CLMN: variants seen among roughly 807,000 people sequenced by gnomAD.
CLMN encodes the protein calmin (calponin-like, transmembrane).
Under a neutral mutation model 92.7 loss-of-function variants are expected in CLMN, and 57 were observed. The ratio of observed to expected loss-of-function variants is 0.61; its 90% CI spans 0.50 to 0.77. CLMN has a LOEUF of 0.77. Ranked by LOEUF, CLMN falls within the 30% of genes least tolerant of loss-of-function variation. The pLI is 0.00. For missense variants in CLMN, 1,158 were observed against 1,237.5 expected (o/e 0.94, Z 0.96); for synonymous variants, 466 against 470.6 (o/e 0.99, Z 0.13).
At chr14:95,263,473 G>C (rs1188356659) in intron 1 of CLMN, among the ~76,000 whole-genome samples, 2 of 152,162 alleles carry the variant, frequency 1.3e-5, no homozygotes, top group African/African-American at 2.4e-5. Context: ...CTACAAGCCT[G>C]AAAGATCCAG....
At chr14:95,247,399 C>A (rs751210438) in intron 1 of CLMN, among the ~76,000 whole-genome samples, 2 of 152,204 alleles carry the variant, frequency 1.3e-5, no homozygotes, top group Non-Finnish European at 2.9e-5. Flanking sequence ...ATCTGATTGG[C>A]CCCTGGGAAG....
rs1313608051 is a variant in CLMN at position 95,294,176 on chromosome 14, T to C, written c.82+25535A>G. On this transcript the variant is annotated intron_variant, in intron 1 of 12. Transcript: ENST00000298912. The surrounding 1 kb of genome is among the most constrained non-coding windows in gnomAD (Gnocchi z 4.2). ...GGGTGGGGGAGTGGGCTGGATTCACTTATATTTCCAGAAATATTTGCTAAG... is the reference window on the plus strand; with the variant it reads ...GGGTGGGGGAGTGGGCTGGATTCACCTATATTTCCAGAAATATTTGCTAAG... Among the ~76,000 whole-genome samples, 1 of 152,218 alleles carries C rather than the reference T, an allele frequency of 6.6e-6. No homozygotes were observed. The highest frequency in any genetic ancestry group is 1.5e-5 in the Non-Finnish European group (1 of 68,034).
chr14:95,215,536 T>C lies in CLMN; in HGVS notation c.417+105A>G. On this transcript the variant is annotated intron_variant, in intron 5 of 12. Transcript: ENST00000298912. ...TGAGTAGAAAAGATAAAATCTGCCATAAACTAAGCCTCACTGCCTCCCTTA... is the reference window on the plus strand; with the variant it reads ...TGAGTAGAAAAGATAAAATCTGCCACAAACTAAGCCTCACTGCCTCCCTTA... The C allele has an allele frequency of 6.6e-6, 6 of 915,504 alleles. No individual in the cohort carries two copies. In the South Asian group the frequency reaches 8.6e-5, roughly 13 times the overall value. The allele number at this position is 915,504 out of a possible 1,614,324, so 56.7% of individuals were successfully genotyped here.
intron 1 of CLMN, among the ~76,000 whole-genome samples, chr14:95,293,325 CTTCCTTCCTTCCCTCCCTCCCTCCTTCT>C (rs1455471242): frequency 1.1e-4 from 11 of 97,286 alleles, no homozygotes; most frequent in African/African-American, 4.2e-4. Flanking sequence ...TCCCTCCCTC[CTTCCTTCCTTCCCTCCCTCCCTCCTTCT>C]TTTCCTCCCT....
chr14:95,242,411 G>A (rs189305437), intron 1 of CLMN, among the ~76,000 whole-genome samples: 11,017 of 150,118 alleles, frequency 0.073, 461 homozygotes, highest in African/African-American at 0.11. Context: ...GGCATGCACC[G>A]CCATGCCTGG....
chr14:95,242,788 C>T lies in CLMN; in HGVS notation c.83-12655G>A, dbSNP rs571405279. 1.9e-4 allele frequency among the ~76,000 whole-genome samples: 29 copies of T among 149,242 alleles called. 1 individual carries two copies. Among genetic ancestry groups the T allele is most frequent in the African/African-American group, 5.7e-4 (23 of 40,438 alleles). The stretch of plus-strand genomic sequence containing the variant: ...TTCACTATATAGGCCAAGATGGTCT[C>T]GAACTCCAGACCTCGTGATCCGCCC... On this transcript the variant is annotated intron_variant, in intron 1 of 12. Transcript: ENST00000298912.
At chr14:95,268,794 C>CTTT (rs985091508) in intron 1 of CLMN, among the ~76,000 whole-genome samples, 49 of 63,108 alleles carry the variant, frequency 7.8e-4, no homozygotes, top group Non-Finnish European at 1.2e-3. Context: ...CTCTCTCTCT[C>CTTT]TTTTTTTTTT....
Position 95,223,805 on chromosome 14 carries a change from G to C in CLMN, c.195C>G (p.Gly65=). ...VKDLFVDIQD[G]KILMALLEVL... is the part of the protein sequence containing the mutation. The stretch of plus-strand genomic sequence containing the variant: ...CTTCTAACAAAGCCATTAGGATTTT[G>C]CCATCTTGTATATCGACGAATAAAT... Residue 65 remains glycine, a synonymous_variant, in exon 3 of 13, where the codon GGC becomes GGG. Coordinates refer to ENST00000298912, the MANE Select transcript of CLMN (RefSeq NM_024734.4). The C allele has an allele frequency of 6.2e-7, 1 of 1,613,874 alleles. No homozygotes were observed. Among genetic ancestry groups the C allele is most frequent in the Non-Finnish European group, 8.5e-7 (1 of 1,179,954 alleles).
chr14:95,305,090 G>A (rs1314268430), intron 1 of CLMN, among the ~76,000 whole-genome samples: 3 of 152,220 alleles, frequency 2.0e-5, no homozygotes, highest in African/African-American at 4.8e-5. Flanking sequence ...GAAGCCAAGA[G>A]AAAGGGTGCA....
At chr14:95,304,956 A>G (rs547846212) in intron 1 of CLMN, among the ~76,000 whole-genome samples, 17 of 152,344 alleles carry the variant, frequency 1.1e-4, no homozygotes, top group African/African-American at 4.1e-4. Flanking sequence ...GTCAGGAAGG[A>G]CACCCATGTA....
intron 1 of CLMN, among the ~76,000 whole-genome samples, chr14:95,302,827 A>C (rs531973723): frequency 2.6e-5 from 4 of 152,314 alleles, no homozygotes; most frequent in Admixed American, 6.5e-5. Context: ...GAAGAAGCTA[A>C]AATTCAAATC....
At chr14:95,303,842 C>T (rs941571492) in intron 1 of CLMN, among the ~76,000 whole-genome samples, 4 of 152,204 alleles carry the variant, frequency 2.6e-5, no homozygotes, top group African/African-American at 7.2e-5. Flanking sequence ...GAGATGAGGA[C>T]GGACCCAACT....
chr14:95,245,646 G>C (rs1898526065), intron 1 of CLMN, among the ~76,000 whole-genome samples: 1 of 141,844 alleles, frequency 7.1e-6, no homozygotes, highest in Non-Finnish European at 1.5e-5. Flanking sequence ...ATGGATGGAT[G>C]GATGAATGGA....
intron 9 of CLMN, among the ~76,000 whole-genome samples, chr14:95,200,233 G>C (rs10136047): frequency 0.045 from 6,775 of 152,164 alleles, 503 homozygotes; most frequent in African/African-American, 0.15. Context: ...CTGGGTGGGA[G>C]CCTCCTTCTG....
chr14:95,209,496 G>C lies in CLMN; in HGVS notation c.803-19C>G. The C allele has an allele frequency of 1.3e-6, 2 of 1,588,450 alleles. No homozygotes were observed. The highest frequency in any genetic ancestry group is 1.7e-6 in the Non-Finnish European group (2 of 1,156,600). ...ATGATGTCTGTCGAGAGAGACACAG[G>C]AATTAGCAGGAGATACAAACACACA... On this transcript the variant is annotated intron_variant, in intron 7 of 12. Coordinates refer to ENST00000298912, the MANE Select transcript of CLMN (RefSeq NM_024734.4).
chr14:95,233,638 G>A (rs75373031), intron 1 of CLMN, among the ~76,000 whole-genome samples: 150 of 152,370 alleles, frequency 9.8e-4, no homozygotes, highest in Middle Eastern at 3.4e-3. Flanking sequence ...GCCACAAGGT[G>A]TATATGCAAG....
chr14:95,266,136 T>G (rs760932383), intron 1 of CLMN, among the ~76,000 whole-genome samples: 1 of 152,216 alleles, frequency 6.6e-6, no homozygotes, highest in Non-Finnish European at 1.5e-5. Flanking sequence ...TCCTCTAAGA[T>G]CTGGAACGAG....
At chr14:95,237,804 A>G (rs1400981923) in intron 1 of CLMN, among the ~76,000 whole-genome samples, 1 of 152,092 alleles carries the variant, frequency 6.6e-6, no homozygotes, top group East Asian at 1.9e-4. Flanking sequence ...GATGCTTTAC[A>G]TGCACTTGCT....
intron 1 of CLMN, among the ~76,000 whole-genome samples, chr14:95,234,193 G>A (rs1467754143): frequency 2.0e-5 from 3 of 152,166 alleles, no homozygotes; most frequent in Non-Finnish European, 4.4e-5. Context: ...CTCCCTCACA[G>A]GAATGCTACG....
Sources: allele counts gnomAD v4.1 joint callset (sites outside exome capture counted in the v4.1 genomes callset), GRCh38; gene constraint gnomAD v4.1.1; non-coding constraint Gnocchi (gnomAD v3.1); transcripts MANE v1.5; gene names NCBI Gene and HGNC (gene_info 2026-07-23, HGNC 2026-07-21).